The following SLC22A23 variants were observed in gnomAD, a reference collection of about 807,000 sequenced individuals.
SLC22A23 encodes ion transporter protein.
In SLC22A23, 26 loss-of-function variants were observed where a neutral mutation model predicts 61.0. That is an observed-to-expected ratio of 0.43 (90% CI 0.31 to 0.59). SLC22A23 has a LOEUF of 0.59. SLC22A23 is among the 20% of genes least tolerant of loss of function. The pLI, the probability that SLC22A23 is intolerant of heterozygous loss-of-function variation, is 0.11. For missense variants in SLC22A23, 796 were observed against 934.7 expected (o/e 0.85, Z 1.94); for synonymous variants, 430 against 413.9 (o/e 1.04, Z -0.47).
intron 1 of SLC22A23, among the ~76,000 whole-genome samples, chr6:3,452,599 TAAAAAAAAAAAAAAAAAAAAAAA>T (rs570923626): frequency 9.9e-5 from 4 of 40,536 alleles, no homozygotes; most frequent in East Asian, 9.6e-4. Flanking sequence ...AGACGCTGTC[TAAAAAAAAAAAAAAAAAAAAAAA>T]AAAAAAAAAA....
chr6:3,295,580 C>T (rs946523139), intron 5 of SLC22A23, among the ~76,000 whole-genome samples: 3 of 152,050 alleles, frequency 2.0e-5, no homozygotes, highest in Non-Finnish European at 2.9e-5. Flanking sequence ...GGCCAGGGCG[C>T]GAGAGGGTGA....
At chr6:3,369,112 A>G (rs934825391) in intron 3 of SLC22A23, among the ~76,000 whole-genome samples, 8 of 151,878 alleles carry the variant, frequency 5.3e-5, no homozygotes, top group Admixed American at 3.3e-4. Flanking sequence ...AATTTAGCCC[A>G]GCTGATAATT....
rs112600993 is a variant in SLC22A23, at chr6:3,437,443, C to T, written c.654+18463G>A. On this transcript the variant is annotated intron_variant, in intron 1 of 9. Coordinates refer to ENST00000406686, the MANE Select transcript of SLC22A23 (RefSeq NM_015482.2). ...CTGTAATCCCAGCACTTTGGGAGGC[C>T]GAGGTGGGCGGATCATGAGGTCACG... 4.3e-3 allele frequency among the ~76,000 whole-genome samples: 653 copies of T among 151,904 alleles called. 2 individuals carry two copies. Among genetic ancestry groups the T allele is most frequent in the African/African-American group, 0.015 (616 of 41,452 alleles).
rs1397659052 is a variant in SLC22A23, at chr6:3,290,357, G to T, written c.1211-491C>A. On this transcript the variant is annotated intron_variant, in intron 5 of 9. Coordinates refer to ENST00000406686, the MANE Select transcript of SLC22A23 (RefSeq NM_015482.2). ...CAGATATGCTTCTTAGCCTTGTGGGGTGGAACTATGGCTGTAGCTACTTCT... is the reference window on the plus strand; with the variant it reads ...CAGATATGCTTCTTAGCCTTGTGGGTTGGAACTATGGCTGTAGCTACTTCT... 3 of 207,140 alleles carry T rather than the reference G, an allele frequency of 1.4e-5. No individual in the cohort carries two copies. In the South Asian group the frequency reaches 2.4e-4, roughly 16 times the overall value. The allele number at this position is 207,140 out of a possible 1,614,324, so 12.8% of individuals were successfully genotyped here.
At chr6:3,305,783 T>C (rs1761932734) in intron 4 of SLC22A23, among the ~76,000 whole-genome samples, 1 of 152,140 alleles carries the variant, frequency 6.6e-6, no homozygotes, top group Non-Finnish European at 1.5e-5. Context: ...AAAAGCGACC[T>C]TGAGGATGAC....
At chr6:3,420,010 G>T (rs1252521941) in intron 1 of SLC22A23, among the ~76,000 whole-genome samples, 1 of 152,136 alleles carries the variant, frequency 6.6e-6, no homozygotes, top group Non-Finnish European at 1.5e-5. Context: ...AATTAAGCTT[G>T]TTAACACCTC....
intron 1 of SLC22A23, among the ~76,000 whole-genome samples, chr6:3,428,624 A>G (rs1461894990): frequency 1.3e-5 from 2 of 152,156 alleles, no homozygotes; most frequent in African/African-American, 2.4e-5. Context: ...GCATTCCCCA[A>G]TTCTTCCTTC....
At chr6:3,356,313 G>T (rs1310313094) in intron 3 of SLC22A23, among the ~76,000 whole-genome samples, 5 of 151,334 alleles carry the variant, frequency 3.3e-5, no homozygotes, top group Non-Finnish European at 7.4e-5. Context: ...GTGGGCCATG[G>T]AACCGCTGAC....
chr6:3,313,281 A>C (rs1762462917), intron 4 of SLC22A23: 2 of 152,218 alleles, frequency 1.3e-5, no homozygotes, highest in African/African-American at 4.8e-5. Flanking sequence ...TTTTATTTCC[A>C]CATCTGCCTT....
intron 1 of SLC22A23, among the ~76,000 whole-genome samples, chr6:3,419,844 A>T (rs2127527989): frequency 1.3e-5 from 2 of 152,322 alleles, no homozygotes; most frequent in Middle Eastern, 3.4e-3. Flanking sequence ...TTCTCTGGTC[A>T]AATTTCCTTG....
rs751739965 is a variant in SLC22A23 at position 3,283,938 on chromosome 6, C to T, written c.1617G>A (p.Ala539=). 2.7e-5 allele frequency: 43 copies of T among 1,608,130 alleles called. No individual in the cohort carries two copies. Among genetic ancestry groups the T allele is most frequent in the Admixed American group, 3.3e-5 (2 of 59,906 alleles). ...AGGCAAACATGCCCACGATGGAAAA[C>T]GCGATGGAAAATTTGTCCTTGACGC... is the stretch of plus-strand genomic sequence containing the variant. ...SDSVKDKFSI[A]FSIVGMFASH... Residue 539 remains alanine, a synonymous_variant, in exon 9 of 10, where the codon GCG becomes GCA. Coordinates refer to ENST00000406686, the MANE Select transcript of SLC22A23 (RefSeq NM_015482.2).
chr6:3,300,841 TAACTC>T (rs1386560709), intron 4 of SLC22A23, among the ~76,000 whole-genome samples: 1 of 152,206 alleles, frequency 6.6e-6, no homozygotes, highest in Non-Finnish European at 1.5e-5. Flanking sequence ...ATCTGAATGA[TAACTC>T]ACTCTGGAAG....
intron 1 of SLC22A23, among the ~76,000 whole-genome samples, chr6:3,444,375 G>C (rs1771771713): frequency 6.6e-6 from 1 of 152,196 alleles, no homozygotes; most frequent in African/African-American, 2.4e-5. Context: ...GTGGGAAGGG[G>C]CCCCAGCCCT....
At chr6:3,344,474 G>C (rs1184403693) in intron 3 of SLC22A23, among the ~76,000 whole-genome samples, 1 of 152,134 alleles carries the variant, frequency 6.6e-6, no homozygotes, top group African/African-American at 2.4e-5. Context: ...GTATTGAAAA[G>C]TTCAAAGGAC....
intron 3 of SLC22A23, among the ~76,000 whole-genome samples, chr6:3,358,191 G>C (rs1404699071): frequency 6.6e-6 from 1 of 152,106 alleles, no homozygotes; most frequent in Non-Finnish European, 1.5e-5. Context: ...AACTAGAACT[G>C]CCATATGATC....
At chr6:3,298,929 G>A (rs1050131333) in intron 4 of SLC22A23, among the ~76,000 whole-genome samples, 2 of 145,362 alleles carry the variant, frequency 1.4e-5, no homozygotes, top group South Asian at 4.2e-4. Context: ...CCGAGATTGC[G>A]CCACTGCAGT....
At position 3,327,557 on chromosome 6, in the gene SLC22A23, C is replaced by T. The variant is rs73354754; in HGVS notation, c.914-3555G>A. On this transcript the variant is annotated intron_variant, in intron 3 of 9. Transcript: ENST00000406686. This position sits in a 1 kb window ranked among gnomAD's most constrained non-coding sequence, Gnocchi z 4.1. ...AAGCCTGGACTCCGTAGCTAGAGTGCCCAAGTTCAAATCCTGCTCCTGGTA... is the reference window on the plus strand; with the variant it reads ...AAGCCTGGACTCCGTAGCTAGAGTGTCCAAGTTCAAATCCTGCTCCTGGTA... 4.3e-3 allele frequency among the ~76,000 whole-genome samples: 657 copies of T among 152,318 alleles called. 5 individuals are homozygous for T. Among genetic ancestry groups the T allele is most frequent in the African/African-American group, 0.014 (590 of 41,570 alleles).
chr6:3,448,229 G>T (rs1376352572), intron 1 of SLC22A23, among the ~76,000 whole-genome samples: 2 of 151,862 alleles, frequency 1.3e-5, no homozygotes, highest in Non-Finnish European at 2.9e-5. Context: ...GTGGTCCAGG[G>T]TCACACTCAT....
chr6:3,362,325 T>C (rs1765508663), intron 3 of SLC22A23, among the ~76,000 whole-genome samples: 1 of 147,854 alleles, frequency 6.8e-6, no homozygotes, highest in African/African-American at 2.5e-5. Flanking sequence ...ATCGCTTGAA[T>C]CCGGGAGGCA....
Sources: gnomAD v4.1 joint callset for allele counts (sites outside exome capture counted in the v4.1 genomes callset) on GRCh38, gnomAD v4.1.1 for gene constraint, Gnocchi (gnomAD v3.1) non-coding constraint, MANE v1.5 for transcripts, NCBI Gene and HGNC (gene_info 2026-07-23, HGNC 2026-07-21) for gene names.